Variants in PLCB4 observed in about 807,000 individuals in gnomAD.
PLCB4 encodes 1-phosphatidylinositol 4,5-bisphosphate phosphodiesterase beta-4.
A neutral mutation model predicts 178.8 loss-of-function variants in PLCB4; 77 were observed. The observed-to-expected ratio is 0.43, with a 90% CI of 0.36 to 0.52. The LOEUF (loss-of-function observed/expected upper bound fraction) is 0.52, where lower values mean the gene tolerates loss of function less well. Among genes scored for constraint, PLCB4 ranks in the 20% least tolerant of loss-of-function variants. The pLI is 0.00. For synonymous variants in PLCB4, 496 were observed against 490.8 expected, an observed-to-expected ratio of 1.01 and a Z score of -0.14; for missense variants, 1,024 against 1,453.4, an observed-to-expected ratio of 0.70 and a Z score of 4.80.
At chr20:9,125,351 C>T (rs1252429136) in intron 2 of PLCB4, among the ~76,000 whole-genome samples, 8 of 151,870 alleles carry the variant, frequency 5.3e-5, no homozygotes, top group African/African-American at 1.9e-4. Flanking sequence ...TGATTTTATG[C>T]TTGGTATGGA....
At chr20:9,273,251 G>C (rs1250076571) in intron 3 of PLCB4, among the ~76,000 whole-genome samples, 1 of 152,066 alleles carries the variant, frequency 6.6e-6, no homozygotes, top group Non-Finnish European at 1.5e-5. Context: ...AGTATGTATC[G>C]AGCAACAATG....
At chr20:9,108,055 T>C (rs575128770) in intron 2 of PLCB4, among the ~76,000 whole-genome samples, 7 of 152,294 alleles carry the variant, frequency 4.6e-5, no homozygotes, top group Admixed American at 1.3e-4. Flanking sequence ...ATGGAAGTGC[T>C]ATTTGCTAGA....
At chr20:9,218,600 T>C (rs904341220) in intron 3 of PLCB4, among the ~76,000 whole-genome samples, 1 of 152,190 alleles carries the variant, frequency 6.6e-6, no homozygotes, top group African/African-American at 2.4e-5. Context: ...CCTCCAGCGT[T>C]TTGCATATCA....
intron 3 of PLCB4, among the ~76,000 whole-genome samples, chr20:9,281,474 A>G (rs767239139): frequency 7.9e-5 from 12 of 151,994 alleles, no homozygotes; most frequent in Non-Finnish European, 2.9e-5. Flanking sequence ...GTCATGGTAT[A>G]TTAGGTTAAA....
At chr20:9,187,068 G>C (rs893006076) in intron 2 of PLCB4, among the ~76,000 whole-genome samples, 1 of 152,024 alleles carries the variant, frequency 6.6e-6, no homozygotes, top group African/African-American at 2.4e-5. Context: ...TTCACCTTCT[G>C]GGTTCAGGCG....
At chr20:9,087,657 C>T (rs917671993) in intron 1 of PLCB4, among the ~76,000 whole-genome samples, 2 of 152,216 alleles carry the variant, frequency 1.3e-5, no homozygotes, top group African/African-American at 4.8e-5. Context: ...CTCTCCTACA[C>T]ATTATCTGGC....
intron 29 of PLCB4, 59 bp from the exon 30 acceptor site, chr20:9,436,943 A>C (rs1332824708): frequency 6.6e-7 from 1 of 1,506,674 alleles, no homozygotes; most frequent in Admixed American, 1.7e-5. Context: ...TAAAGAATGT[A>C]CAAGATATTT....
intron 2 of PLCB4, among the ~76,000 whole-genome samples, chr20:9,122,907 G>A (rs1403964579): frequency 1.3e-5 from 2 of 152,130 alleles, no homozygotes; most frequent in Admixed American, 1.3e-4. Flanking sequence ...GTTCAGTAAG[G>A]ATGTACTGCA....
intron 3 of PLCB4, among the ~76,000 whole-genome samples, chr20:9,249,047 T>C (rs751440780): frequency 6.6e-6 from 1 of 152,094 alleles, no homozygotes; most frequent in Non-Finnish European, 1.5e-5. Flanking sequence ...AACCATCAAG[T>C]CTTTCTTACA....
chr20:9,245,204 C>T (rs779450244), intron 3 of PLCB4, among the ~76,000 whole-genome samples: 3 of 152,142 alleles, frequency 2.0e-5, no homozygotes, highest in Non-Finnish European at 2.9e-5. Flanking sequence ...TGGGAATTGG[C>T]ACCAAGTCAC....
At chr20:9,263,064 C>T (rs1438099729) in intron 3 of PLCB4, among the ~76,000 whole-genome samples, 1 of 152,112 alleles carries the variant, frequency 6.6e-6, no homozygotes, top group Non-Finnish European at 1.5e-5. Flanking sequence ...ATTTACATGC[C>T]TATTTCAGGC....
At chr20:9,144,712 G>A (rs556667687) in intron 2 of PLCB4, among the ~76,000 whole-genome samples, 1 of 74,928 alleles carries the variant, frequency 1.3e-5, no homozygotes, top group Admixed American at 1.3e-4. Flanking sequence ...AGGGGAAGAA[G>A]GGGAAGAAGG....
chr20:9,108,256 A>C (rs1432699406), intron 2 of PLCB4, among the ~76,000 whole-genome samples: 1 of 152,156 alleles, frequency 6.6e-6, no homozygotes, highest in Non-Finnish European at 1.5e-5. Context: ...AGTCTGGATG[A>C]AGTCACTAGA....
intron 2 of PLCB4, among the ~76,000 whole-genome samples, chr20:9,154,998 C>T (rs2092763414): frequency 7.1e-6 from 1 of 140,268 alleles, no homozygotes; most frequent in African/African-American, 2.7e-5. Flanking sequence ...TTTTTGGTTA[C>T]ATGGATGAAT....
intron 2 of PLCB4, among the ~76,000 whole-genome samples, chr20:9,140,985 G>A (rs1237144767): frequency 6.6e-6 from 1 of 152,056 alleles, no homozygotes; most frequent in Non-Finnish European, 1.5e-5. Context: ...TAGTTTATTG[G>A]GGACTGCCGC....
chr20:9,250,556 C>T (rs1232915431), intron 3 of PLCB4, among the ~76,000 whole-genome samples: 1 of 152,194 alleles, frequency 6.6e-6, no homozygotes, highest in African/African-American at 2.4e-5. Flanking sequence ...GTTACACATC[C>T]AGGAAGTGTC....
At chr20:9,291,136 A>C (rs945749074) in intron 3 of PLCB4, among the ~76,000 whole-genome samples, 2 of 152,172 alleles carry the variant, frequency 1.3e-5, no homozygotes, top group Non-Finnish European at 2.9e-5. Flanking sequence ...ATTTTTAAAA[A>C]TGGTTAATTT....
intron 38 of PLCB4, among the ~76,000 whole-genome samples, chr20:9,473,900 T>G (rs559071121): frequency 2.2e-4 from 33 of 152,138 alleles, no homozygotes; most frequent in African/African-American, 7.9e-4. Context: ...GACAAGACAC[T>G]AAATAAAGAA....
chr20:9,091,151 G>T (rs1192573699), intron 1 of PLCB4, among the ~76,000 whole-genome samples: 1 of 152,042 alleles, frequency 6.6e-6, no homozygotes, highest in African/African-American at 2.4e-5. Flanking sequence ...ATTTCTGAGA[G>T]AAACTAATGC....
Sources: gnomAD v4.1 joint callset for allele counts (sites outside exome capture counted in the v4.1 genomes callset) on GRCh38, gnomAD v4.1.1 for gene constraint, MANE v1.5 for transcripts, NCBI Gene and HGNC (gene_info 2026-07-23, HGNC 2026-07-21) for gene names.